The following WDPCP variants were observed in gnomAD, a reference collection of about 807,000 sequenced individuals.
WDPCP encodes the protein WD repeat containing planar cell polarity effector.
WDPCP carries 71 observed loss-of-function variants against 93.1 expected under a neutral mutation model. That is an observed-to-expected ratio of 0.76 (90% CI 0.63 to 0.93). The LOEUF is 0.93. Among genes scored for constraint, WDPCP ranks in the 40% least tolerant of loss-of-function variants. The pLI is 0.00. For synonymous variants in WDPCP, 315 were observed against 315.0 expected, an observed-to-expected ratio of 1.00 and a Z score of 0.00; for missense variants, 844 against 887.4, an observed-to-expected ratio of 0.95 and a Z score of 0.62.
At chr2:63,315,356 G>T (rs888726480) in intron 12 of WDPCP, among the ~76,000 whole-genome samples, 3 of 152,138 alleles carry the variant, frequency 2.0e-5, no homozygotes, top group Non-Finnish European at 4.4e-5. Context: ...TAAGCCAGGG[G>T]CTAAAAGAGA....
In WDPCP at chr2:63,588,308, A is replaced by G; in HGVS notation, c.-37T>C. 6.4e-7 allele frequency: 1 copy of G among 1,557,134 alleles called. No homozygotes were observed. Among genetic ancestry groups the G allele is most frequent in the South Asian group, 1.2e-5 (1 of 84,776 alleles). ...ACCCCGGGCAGAAGGTTCCTAGGCT[A>G]GGTCCTCGGACCCGAGAGGGAGCGA... On this transcript the variant is annotated 5_prime_UTR_variant, in exon 1 of 18. Transcript: ENST00000272321.
intron 1 of WDPCP, among the ~76,000 whole-genome samples, chr2:63,572,768 A>C (rs1221282083): frequency 6.6e-6 from 1 of 150,922 alleles, no homozygotes; most frequent in Admixed American, 6.6e-5. Context: ...AAAGAGGGCA[A>C]AATCATGCAA....
chr2:63,439,037 GTTCCTTAGTAGCTCAGC>G (rs1370222433), intron 7 of WDPCP, among the ~76,000 whole-genome samples: 1 of 152,074 alleles, frequency 6.6e-6, no homozygotes, highest in Non-Finnish European at 1.5e-5. Context: ...CTCTGGACAT[GTTCCTTAGTAGCTCAGC>G]TTCGTTTCCT....
intron 12 of WDPCP, among the ~76,000 whole-genome samples, chr2:63,365,504 C>T (rs1046959184): frequency 6.6e-6 from 1 of 152,116 alleles, no homozygotes; most frequent in Non-Finnish European, 1.5e-5. Flanking sequence ...AAATTAAATT[C>T]CCATTCTTAC....
chr2:63,600,158 C>T (rs1413623528), intron 3 of WDPCP: 1 of 152,200 alleles, frequency 6.6e-6, no homozygotes, highest in East Asian at 1.9e-4. Flanking sequence ...TAAGCTGAAG[C>T]ACTACTGCCC....
chr2:63,445,680 G>A (rs1366330354), intron 6 of WDPCP, among the ~76,000 whole-genome samples: 1 of 152,062 alleles, frequency 6.6e-6, no homozygotes, highest in African/African-American at 2.4e-5. Flanking sequence ...CAGGCAAGGT[G>A]GTAAAGGGAG....
At chr2:63,662,639 CAGAG>C (rs3077036) in intron 2 of WDPCP, among the ~76,000 whole-genome samples, 35 of 147,196 alleles carry the variant, frequency 2.4e-4, no homozygotes, top group South Asian at 6.7e-4. Flanking sequence ...TCATCTCTTC[CAGAG>C]AGAGAGAGAG....
intron 3 of WDPCP, chr2:63,595,018 C>T (rs1005150647): frequency 1.1e-5 from 3 of 276,086 alleles, no homozygotes; most frequent in African/African-American, 6.9e-5. Flanking sequence ...AAATCCTTTT[C>T]TAAGGTATTC....
chr2:63,443,897 C>A (rs1697663418), intron 6 of WDPCP, among the ~76,000 whole-genome samples: 1 of 151,990 alleles, frequency 6.6e-6, no homozygotes, highest in East Asian at 1.9e-4. Flanking sequence ...ATTGGGAATG[C>A]TAGAAGAAAA....
intron 2 of WDPCP, among the ~76,000 whole-genome samples, chr2:63,748,558 C>T (rs1029120602): frequency 3.3e-5 from 5 of 152,030 alleles, no homozygotes; most frequent in East Asian, 1.9e-4. Context: ...AAACCAATCC[C>T]GAATTATTAG....
intron 2 of WDPCP, among the ~76,000 whole-genome samples, chr2:63,807,527 A>C (rs1037012287): frequency 3.3e-5 from 5 of 152,188 alleles, no homozygotes; most frequent in African/African-American, 4.8e-5. Context: ...AGCCAATCAC[A>C]CGTCTTTTCT....
At chr2:63,303,421 C>A (rs1685481051) in intron 13 of WDPCP, among the ~76,000 whole-genome samples, 1 of 152,168 alleles carries the variant, frequency 6.6e-6, no homozygotes, top group Non-Finnish European at 1.5e-5. Context: ...TTTAGTCTCA[C>A]CCCACTAGAT....
chr2:63,486,411 T>C (rs1283074514), intron 4 of WDPCP, 131 bp downstream of exon 4: 3 of 729,414 alleles, frequency 4.1e-6, no homozygotes, highest in Non-Finnish European at 6.9e-6. Context: ...ACTTATATGT[T>C]TATATTCCTA....
At chr2:63,714,162 T>G (rs574050155) in intron 2 of WDPCP, among the ~76,000 whole-genome samples, 1 of 151,978 alleles carries the variant, frequency 6.6e-6, no homozygotes, top group East Asian at 1.9e-4. Flanking sequence ...TTCAAGTGAT[T>G]CTTCCGCCTG....
chr2:63,385,698 C>T (rs1692675679), intron 10 of WDPCP, among the ~76,000 whole-genome samples: 1 of 151,882 alleles, frequency 6.6e-6, no homozygotes, highest in South Asian at 2.1e-4. Context: ...CTAAAATGAT[C>T]TATAGATCCA....
chr2:63,231,280 T>C (rs1678854205), intron 14 of WDPCP, among the ~76,000 whole-genome samples: 1 of 152,168 alleles, frequency 6.6e-6, no homozygotes, highest in African/African-American at 2.4e-5. Flanking sequence ...AAGACAGGGA[T>C]GCCCTCTCTC....
upstream of WDPCP, among the ~76,000 whole-genome samples, chr2:63,829,989 T>C (rs898916398): frequency 1.1e-4 from 16 of 152,096 alleles, no homozygotes; most frequent in African/African-American, 3.6e-4. Context: ...GTCCACTGAT[T>C]ACTCATAATA....
At chr2:63,552,158 A>G (rs908408611) in intron 1 of WDPCP, among the ~76,000 whole-genome samples, 12 of 137,502 alleles carry the variant, frequency 8.7e-5, no homozygotes, top group African/African-American at 3.1e-4. Context: ...CTATTATAGT[A>G]CCCAAAAAAA....
At chr2:63,718,500 G>C (rs373855765) in intron 2 of WDPCP, among the ~76,000 whole-genome samples, 6 of 152,240 alleles carry the variant, frequency 3.9e-5, no homozygotes, top group African/African-American at 1.4e-4. Flanking sequence ...TTTCTCTGAT[G>C]ATTAGTGACG....
Sources: gnomAD v4.1 joint callset for allele counts (sites outside exome capture counted in the v4.1 genomes callset) on GRCh38, gnomAD v4.1.1 for gene constraint, MANE v1.5 for transcripts, NCBI Gene and HGNC (gene_info 2026-07-23, HGNC 2026-07-21) for gene names.